The following PRR16 variants were observed in gnomAD, a reference collection of about 807,000 sequenced individuals.
The protein encoded by PRR16 is protein Largen.
In PRR16, 6 loss-of-function variants were observed where a neutral mutation model predicts 18.2. The observed-to-expected ratio is 0.33, with a 90% CI of 0.18 to 0.65. The LOEUF (loss-of-function observed/expected upper bound fraction) is 0.65, where lower values mean the gene tolerates loss of function less well. Among genes scored for constraint, PRR16 ranks in the 30% least tolerant of loss-of-function variants. The pLI is 0.74. For synonymous variants in PRR16, 151 were observed against 147.8 expected (o/e 1.02, Z -0.16); for missense variants, 412 against 376.6 (o/e 1.09, Z -0.78).
downstream of PRR16, among the ~76,000 whole-genome samples, chr5:120,692,225 T>A (rs1485571705): frequency 6.6e-6 from 1 of 152,210 alleles, no homozygotes; most frequent in Non-Finnish European, 1.5e-5. Flanking sequence ...AACGTATTTC[T>A]GTGTTAGCCA....
chr5:120,636,428 C>T (rs1394650343), intron 1 of PRR16, among the ~76,000 whole-genome samples: 3 of 152,082 alleles, frequency 2.0e-5, no homozygotes, highest in Non-Finnish European at 4.4e-5. Flanking sequence ...TAAAAATAGG[C>T]ACATAGACTA....
intron 1 of PRR16, among the ~76,000 whole-genome samples, chr5:120,620,155 G>A (rs1257873426): frequency 6.6e-6 from 1 of 152,036 alleles, no homozygotes; most frequent in Non-Finnish European, 1.5e-5. Flanking sequence ...GAAAGAAGAC[G>A]AAAAATGCAG....
intron 1 of PRR16, among the ~76,000 whole-genome samples, chr5:120,646,925 A>C (rs2150128824): frequency 6.6e-6 from 1 of 152,136 alleles, no homozygotes; most frequent in African/African-American, 2.4e-5. Flanking sequence ...ATTTTTTTCC[A>C]GGAATCATGG....
At chr5:120,649,276 A>T (rs1561593216) in intron 1 of PRR16, among the ~76,000 whole-genome samples, 1 of 152,046 alleles carries the variant, frequency 6.6e-6, no homozygotes, top group African/African-American at 2.4e-5. Flanking sequence ...AAACAGTGGT[A>T]TTTTTCTCTA....
chr5:120,761,111 ATTAT>A, the PRR16 span, among the ~76,000 whole-genome samples: 21,016 of 151,838 alleles, frequency 0.14, 2,168 homozygotes, highest in African/African-American at 0.29. Flanking sequence ...TTTATTATAC[ATTAT>A]TTTATATTAA....
At chr5:120,542,745 C>T (rs923070131) in intron 1 of PRR16, among the ~76,000 whole-genome samples, 5 of 152,098 alleles carry the variant, frequency 3.3e-5, no homozygotes, top group Admixed American at 2.6e-4. Context: ...AGTGTCATCC[C>T]CTTGCAGTAT....
At chr5:120,541,396 T>G (rs1751910269) in intron 1 of PRR16, among the ~76,000 whole-genome samples, 1 of 152,038 alleles carries the variant, frequency 6.6e-6, no homozygotes, top group Non-Finnish European at 1.5e-5. Context: ...TCTGCCCACC[T>G]CAGCCTCTCA....
the PRR16 span, among the ~76,000 whole-genome samples, chr5:120,770,650 GA>G: frequency 4.0e-5 from 6 of 151,836 alleles, no homozygotes; most frequent in African/African-American, 1.5e-4. Flanking sequence ...AAGAATGAGA[GA>G]AAATACTTGC....
chr5:120,734,303 C>T, the PRR16 span, among the ~76,000 whole-genome samples: 1 of 151,986 alleles, frequency 6.6e-6, no homozygotes, highest in Non-Finnish European at 1.5e-5. Flanking sequence ...GAGCAGGAGG[C>T]TGGGGCACAT....
chr5:120,734,649 T>A, the PRR16 span, among the ~76,000 whole-genome samples: 1 of 152,174 alleles, frequency 6.6e-6, no homozygotes, highest in South Asian at 2.1e-4. Flanking sequence ...CTGACTTTAT[T>A]CCTTTATTAA....
the PRR16 span, among the ~76,000 whole-genome samples, chr5:120,755,472 A>C: frequency 6.6e-6 from 1 of 152,054 alleles, no homozygotes; most frequent in Non-Finnish European, 1.5e-5. Flanking sequence ...ATTATGTGAG[A>C]ACATGCAGTA....
At chr5:120,695,361 T>C in the PRR16 span, among the ~76,000 whole-genome samples, 1 of 152,218 alleles carries the variant, frequency 6.6e-6, no homozygotes, top group African/African-American at 2.4e-5. Flanking sequence ...CAATAATTTT[T>C]CTGATTACCT....
At chr5:120,636,248 A>G (rs929832636) in intron 1 of PRR16, among the ~76,000 whole-genome samples, 2 of 152,038 alleles carry the variant, frequency 1.3e-5, no homozygotes, top group Non-Finnish European at 2.9e-5. Flanking sequence ...AAATATGACC[A>G]TCATTCTTCA....
intron 1 of PRR16, among the ~76,000 whole-genome samples, chr5:120,482,699 T>C (rs1749659004): frequency 6.6e-6 from 1 of 152,172 alleles, no homozygotes; most frequent in Non-Finnish European, 1.5e-5. Flanking sequence ...CTTTGAGAAA[T>C]GTCGAACTGC....
intron 1 of PRR16, among the ~76,000 whole-genome samples, chr5:120,470,064 G>A (rs889720792): frequency 3.3e-5 from 5 of 152,128 alleles, no homozygotes; most frequent in African/African-American, 1.2e-4. Flanking sequence ...AAATCTAAAT[G>A]TAGGAAAAAA....
At chr5:120,552,905 G>A (rs1752298115) in intron 1 of PRR16, among the ~76,000 whole-genome samples, 1 of 151,714 alleles carries the variant, frequency 6.6e-6, no homozygotes, top group Non-Finnish European at 1.5e-5. Flanking sequence ...ATTCAAATGG[G>A]GAGACCTGAG....
At chr5:120,743,324 C>G in the PRR16 span, among the ~76,000 whole-genome samples, 1 of 151,126 alleles carries the variant, frequency 6.6e-6, no homozygotes, top group African/African-American at 2.4e-5. Flanking sequence ...TTTTGAGAAG[C>G]TTTTGTTTGA....
In PRR16 at chr5:120,685,962, C is replaced by G; in HGVS notation, c.168C>G (p.Asp56Glu). 1 of 1,612,110 alleles carries G rather than the reference C, an allele frequency of 6.2e-7. No individual in the cohort carries two copies. Among genetic ancestry groups the G allele is most frequent in the Non-Finnish European group, 8.5e-7 (1 of 1,178,770 alleles). ...CTTGTCCTTTCCACTAGGTGGTTGA[C>G]CAGATTGACACCCTGACCTCTGACC... is the stretch of plus-strand genomic sequence containing the variant. The part of the protein sequence containing the change: ...DVAKELKEVV[D>E]QIDTLTSDLQ... The change falls in exon 2 of 2, where the codon GAC (aspartate) becomes GAG (glutamate). Residue 56 changes from aspartate to glutamate, a missense_variant. Asp to Glu is a conservative substitution (Grantham distance 45). Coordinates refer to ENST00000407149, the MANE Select transcript of PRR16 (RefSeq NM_001300783.2).
chr5:120,759,534 G>T, the PRR16 span, among the ~76,000 whole-genome samples: 1 of 151,902 alleles, frequency 6.6e-6, no homozygotes, highest in Non-Finnish European at 1.5e-5. Flanking sequence ...AGGCATAGAG[G>T]GTTGAATATA....
Sources: gnomAD v4.1 joint callset for allele counts (sites outside exome capture counted in the v4.1 genomes callset) on GRCh38, gnomAD v4.1.1 for gene constraint, MANE v1.5 for transcripts, NCBI Gene and HGNC (gene_info 2026-07-23, HGNC 2026-07-21) for gene names.